Variants in C3orf49 observed in about 807,000 individuals in gnomAD.
C3orf49 encodes chromosome 3 open reading frame 49, also known as putative uncharacterized protein C3orf49.
C3orf49 carries 27 observed loss-of-function variants against 13.3 expected under a neutral mutation model. That is an observed-to-expected ratio of 2.02 (90% CI 1.49 to 2.79). The LOEUF (loss-of-function observed/expected upper bound fraction) is 2.79, where lower values mean the gene tolerates loss of function less well. Among genes scored for constraint, C3orf49 ranks in the 30% most tolerant of loss-of-function variants. The pLI is 0.00. For missense variants in C3orf49, 242 were observed against 134.2 expected (o/e 1.80, Z -3.97); for synonymous variants, 87 against 47.6 (o/e 1.83, Z -3.40).
At chr3:63,797,059 T>C in the C3orf49 span, among the ~76,000 whole-genome samples, 17 of 152,264 alleles carry the variant, frequency 1.1e-4, no homozygotes, top group Non-Finnish European at 2.1e-4. Flanking sequence ...TGACTTGATA[T>C]AATTTTGTTG....
At chr3:63,827,576 A>T (rs1269547773) in intron 2 of C3orf49, 25 bp from the exon 3 acceptor site, 6 of 699,326 alleles carry the variant, frequency 8.6e-6, no homozygotes, top group Non-Finnish European at 1.6e-5. Context: ...ATCCTTACAG[A>T]TTCCTTTTTC....
chr3:63,809,708 A>G, the C3orf49 span, among the ~76,000 whole-genome samples: 1 of 152,160 alleles, frequency 6.6e-6, no homozygotes, highest in Non-Finnish European at 1.5e-5. Context: ...GCACACATCA[A>G]GCAGTCTGTG....
intron 5 of C3orf49, chr3:63,832,916 C>T (rs1701552647): frequency 6.6e-6 from 1 of 151,900 alleles, no homozygotes; most frequent in Admixed American, 6.6e-5. Context: ...ATTAAAATTA[C>T]AAAAATGTAA....
the C3orf49 span, among the ~76,000 whole-genome samples, chr3:63,811,669 C>T: frequency 1.2e-4 from 18 of 151,764 alleles, no homozygotes; most frequent in African/African-American, 3.6e-4. Context: ...ATCACCTGCG[C>T]CTCAGTTCAA....
At chr3:63,791,203 G>C in the C3orf49 span, among the ~76,000 whole-genome samples, 4 of 152,204 alleles carry the variant, frequency 2.6e-5, no homozygotes, top group Admixed American at 6.5e-5. Flanking sequence ...AGGGATATGG[G>C]AAGAGCATGG....
chr3:63,827,968 T>C (rs190268358), intron 3 of C3orf49, among the ~76,000 whole-genome samples: 1 of 152,334 alleles, frequency 6.6e-6, no homozygotes, highest in East Asian at 1.9e-4. Flanking sequence ...TTTTTATAAC[T>C]GACTTTCTCA....
intron 5 of C3orf49, chr3:63,839,630 T>G (rs369363957): frequency 1.6e-5 from 26 of 1,596,558 alleles, no homozygotes; most frequent in Non-Finnish European, 2.1e-5. Context: ...GACACTGGTA[T>G]GGAAACAACA....
In C3orf49 at chr3:63,827,586, C is replaced by A. The variant is rs145585056; in HGVS notation, c.446-15C>A. The A allele has an allele frequency of 7.8e-4, 543 of 693,628 alleles. 3 individuals carry two copies. The African/African-American group carries it at 8.7e-3, about 11-fold the overall frequency. 43.0% of individuals were successfully genotyped at this position (693,628 alleles called of 1,614,324 possible). The stretch of plus-strand genomic sequence containing the variant: ...TTGTGATCCTTACAGATTCCTTTTT[C>A]CCCCTTTCTTGAAGCGACTATACAA... On this transcript the variant is annotated splice_polypyrimidine_tract_variant and intron_variant, in intron 2 of 6. Transcript: ENST00000295896.
At chr3:63,794,172 T>TACACAC in the C3orf49 span, among the ~76,000 whole-genome samples, 1,494 of 142,674 alleles carry the variant, frequency 0.01, 23 homozygotes, top group African/African-American at 0.034. Context: ...TACACACACA[T>TACACAC]ACACACACAC....
intron 1 of C3orf49, among the ~76,000 whole-genome samples, chr3:63,821,652 G>T (rs550118072): frequency 6.6e-6 from 1 of 152,074 alleles, no homozygotes; most frequent in East Asian, 1.9e-4. Flanking sequence ...ACAAAATCTG[G>T]ATGAATGCCC....
chr3:63,790,447 T>A, the C3orf49 span, among the ~76,000 whole-genome samples: 2 of 152,168 alleles, frequency 1.3e-5, no homozygotes, highest in Admixed American at 1.3e-4. Context: ...TAGAACCACC[T>A]GGAGAGCTTT....
chr3:63,787,182 T>C, the C3orf49 span: 1 of 152,224 alleles, frequency 6.6e-6, no homozygotes, highest in Admixed American at 6.5e-5. Context: ...TTTCCATATA[T>C]GTAAATGAGA....
chr3:63,811,592 A>C, the C3orf49 span, among the ~76,000 whole-genome samples: 1 of 151,754 alleles, frequency 6.6e-6, no homozygotes, highest in Non-Finnish European at 1.5e-5. Flanking sequence ...AAAAACAAAA[A>C]AAAATAGAGC....
At chr3:63,827,575 G>A in intron 2 of C3orf49, 26 bp from the exon 3 acceptor site, 1 of 699,178 alleles carries the variant, frequency 1.4e-6, no homozygotes, top group East Asian at 2.7e-5. Context: ...GATCCTTACA[G>A]ATTCCTTTTT....
At chr3:63,823,766 TTGTGTGTGTGTGTGTGTGTG>T (rs55765936) in intron 2 of C3orf49, among the ~76,000 whole-genome samples, 197 bp downstream of exon 2, 1,810 of 123,050 alleles carry the variant, frequency 0.015, 16 homozygotes, top group Non-Finnish European at 0.022. Context: ...GTTCATACCG[TTGTGTGTGTGTGTGTGTGTG>T]TGTGTGTGTG....
intron 3 of C3orf49, 117 bp from the exon 4 acceptor site, chr3:63,830,993 G>A (rs1369185339): frequency 1.7e-6 from 1 of 602,218 alleles, no homozygotes; most frequent in South Asian, 2.0e-5. Flanking sequence ...ATATTGTTAT[G>A]TGGCAAATGT....
the C3orf49 span, among the ~76,000 whole-genome samples, chr3:63,787,707 G>C: frequency 6.6e-6 from 1 of 152,148 alleles, no homozygotes; most frequent in South Asian, 2.1e-4. Flanking sequence ...TTAACTCTCT[G>C]TGGGGCCAGG....
At chr3:63,816,198 T>A (rs778004292), upstream of C3orf49, among the ~76,000 whole-genome samples, 9 of 151,992 alleles carry the variant, frequency 5.9e-5, no homozygotes, top group Non-Finnish European at 1.0e-4. Flanking sequence ...TTTCTATTGG[T>A]TAACATATTG....
upstream of C3orf49, among the ~76,000 whole-genome samples, chr3:63,815,182 G>A (rs901619821): frequency 2.6e-5 from 4 of 152,080 alleles, no homozygotes; most frequent in African/African-American, 9.7e-5. Context: ...CTTCAACACT[G>A]GCAATTACAT....
Sources: gnomAD v4.1 joint callset for allele counts (sites outside exome capture counted in the v4.1 genomes callset) on GRCh38, gnomAD v4.1.1 for gene constraint, MANE v1.5 for transcripts, NCBI Gene and HGNC (gene_info 2026-07-23, HGNC 2026-07-21) for gene names.